The following UNC80 variants were observed in gnomAD, a reference collection of about 807,000 sequenced individuals.
UNC80 encodes the protein unc-80 subunit of NALCN channel complex.
UNC80 carries 164 observed loss-of-function variants against 384.6 expected under a neutral mutation model. That is an observed-to-expected ratio of 0.43 (90% CI 0.38 to 0.49). The LOEUF (loss-of-function observed/expected upper bound fraction) is 0.49, where lower values mean the gene tolerates loss of function less well. Ranked by LOEUF, UNC80 falls within the 20% of genes least tolerant of loss-of-function variation. The pLI is 0.00. For synonymous variants in UNC80, 1,486 were observed against 1,527.8 expected (o/e 0.97, Z 0.64); for missense variants, 3,330 against 4,143.0 (o/e 0.80, Z 5.39).
intron 47 of UNC80, 73 bp downstream of exon 47, chr2:209,946,016 A>G: frequency 1.9e-6 from 2 of 1,073,874 alleles, no homozygotes; most frequent in South Asian, 1.4e-5. Flanking sequence ...AATGAATACA[A>G]AGGTTATGCT....
intron 55 of UNC80, among the ~76,000 whole-genome samples, chr2:209,972,681 G>GA (rs1212484084): frequency 6.6e-6 from 1 of 152,216 alleles, no homozygotes; most frequent in Non-Finnish European, 1.5e-5. Context: ...GGGTTTAGCA[G>GA]AAATCCTGCC....
At chr2:209,825,578 A>G (rs2080453841) in intron 13 of UNC80, among the ~76,000 whole-genome samples, 1 of 152,202 alleles carries the variant, frequency 6.6e-6, no homozygotes, top group Non-Finnish European at 1.5e-5. Context: ...ATTCGCTTTC[A>G]TCACTGATAG....
chr2:209,919,418 G>T (rs200456658), intron 33 of UNC80, among the ~76,000 whole-genome samples: 8 of 152,018 alleles, frequency 5.3e-5, no homozygotes, highest in African/African-American at 1.9e-4. Flanking sequence ...ACCATTAAAG[G>T]TTTTTGACGC....
At chr2:209,904,694 A>T (rs781631256) in intron 28 of UNC80, 71 bp from the exon 29 acceptor site, 2 of 1,336,606 alleles carry the variant, frequency 1.5e-6, no homozygotes. Flanking sequence ...CCCATCTTCC[A>T]CCCCATAGAT....
intron 8 of UNC80, among the ~76,000 whole-genome samples, chr2:209,814,977 T>TA (rs139113274): frequency 0.27 from 39,929 of 149,292 alleles, 5,918 homozygotes; most frequent in Non-Finnish European, 0.34. Context: ...TCTTTTTAAT[T>TA]AAAAAAAAAA....
At chr2:209,838,454 A>G (rs1007037206) in intron 18 of UNC80, among the ~76,000 whole-genome samples, 2 of 151,948 alleles carry the variant, frequency 1.3e-5, no homozygotes, top group African/African-American at 4.8e-5. Context: ...TATTTGTCCT[A>G]CTGAGTTGTA....
At chr2:209,811,639 G>A (rs1177388200) in intron 7 of UNC80, among the ~76,000 whole-genome samples, 1 of 152,178 alleles carries the variant, frequency 6.6e-6, no homozygotes, top group Non-Finnish European at 1.5e-5. Context: ...GGAATTTAGG[G>A]ATTGTAGAAG....
intron 41 of UNC80, 49 bp downstream of exon 41, chr2:209,936,982 C>T (rs2091291127): frequency 7.7e-7 from 1 of 1,295,476 alleles, no homozygotes; most frequent in Non-Finnish European, 1.1e-6. Context: ...AAAGGCTTAT[C>T]ATGCCTACCT....
intron 24 of UNC80, among the ~76,000 whole-genome samples, chr2:209,878,310 T>C (rs1051244318): frequency 6.6e-6 from 1 of 152,182 alleles, no homozygotes; most frequent in Admixed American, 6.5e-5. Context: ...GGCAAGGAGC[T>C]GCAGGCAAGA....
chr2:209,796,561 C>G (rs2078169827), intron 7 of UNC80: 1 of 152,254 alleles, frequency 6.6e-6, no homozygotes, highest in Admixed American at 6.5e-5. Context: ...TCCCAGAATT[C>G]TCATGTATTG....
chr2:209,822,202 T>C (rs2080183081), intron 13 of UNC80, among the ~76,000 whole-genome samples: 1 of 152,224 alleles, frequency 6.6e-6, no homozygotes, highest in Admixed American at 6.5e-5. Context: ...CTTGAATGTA[T>C]TAATCATAAG....
intron 7 of UNC80, among the ~76,000 whole-genome samples, chr2:209,794,203 C>T (rs1242649147): frequency 6.6e-6 from 1 of 152,130 alleles, no homozygotes. Context: ...ATATTTTATA[C>T]CGCTAGATCC....
chr2:209,954,147 A>G lies in UNC80; in HGVS notation c.7334A>G (p.Gln2445Arg). Residue 2445 changes from glutamine to arginine, a missense_variant, in exon 48 of 65, where the codon CAA becomes CGA. Physicochemically the swap from Gln to Arg is conservative, Grantham distance 43. This residue lies in a region of UNC80 where 1,049 missense variants were observed against 1,488.6 expected (regional missense o/e 0.70). Coordinates refer to ENST00000673920, the MANE Select transcript of UNC80 (RefSeq NM_001371986.1). ...VLEALVPCYL[Q>R]KLKRQTSQVE... ...GAAGCCTTAGTTCCATGTTACCTAC[A>G]AAAGCTAAAGAGGCAGACATCACAG... is the stretch of plus-strand genomic sequence containing the variant. 1.3e-6 allele frequency: 2 copies of G among 1,551,146 alleles called. No individual in the cohort carries two copies. The highest frequency in any genetic ancestry group is 1.7e-6 in the Non-Finnish European group (2 of 1,146,924).
chr2:209,825,330 G>A (rs1356281111), intron 13 of UNC80, among the ~76,000 whole-genome samples: 2 of 152,136 alleles, frequency 1.3e-5, no homozygotes, highest in Non-Finnish European at 2.9e-5. Context: ...TTCCTATTTA[G>A]CCTTAAGGGA....
At chr2:209,973,990 G>A (rs557588092) in intron 56 of UNC80, among the ~76,000 whole-genome samples, 26 of 152,200 alleles carry the variant, frequency 1.7e-4, no homozygotes, top group African/African-American at 3.4e-4. Flanking sequence ...GTCGTGACCC[G>A]GGGAGCAATG....
intron 47 of UNC80, among the ~76,000 whole-genome samples, chr2:209,949,535 T>A (rs1281110997): frequency 1.3e-5 from 2 of 151,530 alleles, no homozygotes; most frequent in East Asian, 3.9e-4. Context: ...TGGAGTGCAA[T>A]GGCATAATCT....
At chr2:209,886,985 G>A (rs530294128) in intron 25 of UNC80, among the ~76,000 whole-genome samples, 1 of 152,084 alleles carries the variant, frequency 6.6e-6, no homozygotes, top group African/African-American at 2.4e-5. Flanking sequence ...TCATCTAGAG[G>A]CCACCCACAT....
chr2:209,876,924 A>G (rs1001549063), intron 23 of UNC80, among the ~76,000 whole-genome samples: 2 of 152,222 alleles, frequency 1.3e-5, no homozygotes, highest in East Asian at 3.8e-4. Flanking sequence ...GAGTATGAGC[A>G]TAATCTTCAC....
Position 209,904,890 on chromosome 2 carries a change from T to G in UNC80, c.4707T>G (p.Tyr1569Ter). ...TGGTCAGAGCCATCAAGCTACTCTA[T>G]GGAGACAGTGTGGACTCCCTGAGGG... The part of the protein sequence containing the change: ...ARLVRAIKLL[Y>*]GDSVDSLRES... The change falls in exon 29 of 65, where the codon TAT becomes TAG. Residue 1569 changes from tyrosine to a stop codon, truncating the protein, a stop_gained. Coordinates refer to ENST00000673920, the MANE Select transcript of UNC80 (RefSeq NM_001371986.1). LOFTEE classifies it high-confidence loss of function. 6.4e-7 allele frequency: 1 copy of G among 1,551,812 alleles called. No individual in the cohort carries two copies. Among genetic ancestry groups the G allele is most frequent in the Non-Finnish European group, 8.7e-7 (1 of 1,147,010 alleles).
Sources: allele counts gnomAD v4.1 joint callset (sites outside exome capture counted in the v4.1 genomes callset), GRCh38; gene constraint gnomAD v4.1.1; regional missense constraint gnomAD v4.1.1; transcripts MANE v1.5; gene names NCBI Gene and HGNC (gene_info 2026-07-23, HGNC 2026-07-21).